CLPB: variants seen among roughly 807,000 people sequenced by gnomAD.
CLPB encodes the protein ClpB family mitochondrial disaggregase.
Under a neutral mutation model 78.4 loss-of-function variants are expected in CLPB, and 40 were observed. The ratio of observed to expected loss-of-function variants is 0.51; its 90% confidence interval spans 0.40 to 0.66. The LOEUF is 0.66. CLPB is among the 30% of genes least tolerant of loss of function. The pLI, the probability that CLPB is intolerant of heterozygous loss-of-function variation, is 0.00. For missense variants in CLPB, 780 were observed against 886.9 expected (o/e 0.88, Z 1.53); for synonymous variants, 333 against 348.0 (o/e 0.96, Z 0.48).
intron 4 of CLPB, among the ~76,000 whole-genome samples, chr11:72,364,276 C>T (rs1950898991): frequency 6.6e-6 from 1 of 152,130 alleles, no homozygotes. Flanking sequence ...TCACTGCAAC[C>T]TCCGCAACAC....
chr11:72,302,482 A>C, intron 9 of CLPB, 134 bp from the exon 10 acceptor site: 1 of 773,958 alleles, frequency 1.3e-6, no homozygotes, highest in South Asian at 1.5e-5. Context: ...CTCACGCTCA[A>C]GATGTTTTTT....
At position 72,399,240 on chromosome 11, in the gene CLPB, T is replaced by C. The variant is rs1158972447; in HGVS notation, c.542+3726A>G. Among the ~76,000 whole-genome samples, 7 of 152,098 alleles carry C rather than the reference T, an allele frequency of 4.6e-5. No homozygotes were observed. In the South Asian group the frequency reaches 1.5e-3, roughly 32 times the overall value. On this transcript the variant is annotated intron_variant, in intron 3 of 15. Transcript: ENST00000538039. ...TTGTACATAAACATATATATAACAA[T>C]CAATTTCCAGATAAAGGGAATTCAG...
intron 9 of CLPB, 45 bp downstream of exon 9, chr11:72,307,154 G>A: frequency 6.4e-7 from 1 of 1,556,202 alleles, no homozygotes. Flanking sequence ...CAGGAATGGT[G>A]AGGTCTCCAC....
chr11:72,388,858 C>T (rs1208736770), intron 3 of CLPB, among the ~76,000 whole-genome samples: 1 of 152,120 alleles, frequency 6.6e-6, no homozygotes, highest in Admixed American at 6.5e-5. Flanking sequence ...TATAGCAGGG[C>T]AGAAACACGG....
chr11:72,420,931 G>C (rs192138207), intron 2 of CLPB, among the ~76,000 whole-genome samples: 14 of 152,148 alleles, frequency 9.2e-5, no homozygotes, highest in African/African-American at 3.1e-4. Context: ...AGGCCAAGGC[G>C]GGCGGATCAC....
At chr11:72,294,779 G>A (rs1949520819) in intron 12 of CLPB, 86 bp from the exon 13 acceptor site, 2 of 1,104,450 alleles carry the variant, frequency 1.8e-6, no homozygotes, top group Admixed American at 1.7e-5. Context: ...CCCATGGAAA[G>A]AGCCCTGGTC....
At chr11:72,408,213 TA>T in intron 2 of CLPB, 2 of 1,531,912 alleles carry the variant, frequency 1.3e-6, no homozygotes, top group Non-Finnish European at 8.7e-7. Context: ...GGCTGAGGTA[TA>T]ATGGAAAAAA....
At chr11:72,297,381 A>G (rs966944805) in intron 11 of CLPB, among the ~76,000 whole-genome samples, 3 of 152,234 alleles carry the variant, frequency 2.0e-5, no homozygotes, top group African/African-American at 7.2e-5. Context: ...TGTAGTTTCC[A>G]GCCTTGCTTT....
Position 72,295,573 on chromosome 11 carries a change from T to C in CLPB, c.1405A>G (p.Ser469Gly). Residue 469 changes from serine to glycine, a missense_variant, in exon 12 of 16, where the codon AGC becomes GGC. Ser to Gly is a moderately conservative substitution (Grantham distance 56, BLOSUM62 0). This residue lies in a region of CLPB where 272 missense variants were observed against 304.0 expected (regional missense o/e 0.89). Coordinates refer to ENST00000538039, the MANE Select transcript of CLPB (RefSeq NM_001258392.3). ...AIFIMTSNVA[S>G]DEIAQHALQL... The stretch of plus-strand genomic sequence containing the variant: ...AGCGCGTGCTGTGCGATCTCGTCGC[T>C]GGCCACATTGGAGGTCATGATGAAG... 1 of 1,614,188 alleles carries C rather than the reference T, an allele frequency of 6.2e-7. No individual in the cohort carries two copies. Among genetic ancestry groups the C allele is most frequent in the Non-Finnish European group, 8.5e-7 (1 of 1,180,022 alleles).
At chr11:72,309,587 G>A (rs1487555766) in intron 7 of CLPB, among the ~76,000 whole-genome samples, 1 of 152,182 alleles carries the variant, frequency 6.6e-6, no homozygotes, top group African/African-American at 2.4e-5. Context: ...ACACGAAACT[G>A]AGGCAACAGA....
At chr11:72,296,776 G>A (rs946657148) in intron 11 of CLPB, among the ~76,000 whole-genome samples, 3 of 152,196 alleles carry the variant, frequency 2.0e-5, no homozygotes, top group African/African-American at 7.2e-5. Context: ...ACAGCGTCCG[G>A]TACAGAGTAG....
chr11:72,305,372 G>T (rs536348018), intron 9 of CLPB, among the ~76,000 whole-genome samples: 1 of 152,222 alleles, frequency 6.6e-6, no homozygotes, highest in African/African-American at 2.4e-5. Flanking sequence ...CACTGCTATG[G>T]TAAGTAGGAA....
At chr11:72,409,441 G>A (rs979992887) in intron 2 of CLPB, among the ~76,000 whole-genome samples, 4 of 151,970 alleles carry the variant, frequency 2.6e-5, no homozygotes, top group Admixed American at 2.0e-4. Flanking sequence ...AAAATTAGCC[G>A]GGCGTGGTGT....
At chr11:72,321,159 A>G (rs1349933517) in intron 6 of CLPB, among the ~76,000 whole-genome samples, 2 of 152,094 alleles carry the variant, frequency 1.3e-5, no homozygotes, top group African/African-American at 4.8e-5. Flanking sequence ...TATAAATACT[A>G]TTGTTCCTGT....
chr11:72,387,208 C>T (rs1222247432), intron 3 of CLPB, among the ~76,000 whole-genome samples: 1 of 152,140 alleles, frequency 6.6e-6, no homozygotes, highest in Non-Finnish European at 1.5e-5. Flanking sequence ...AGGGAAAGTT[C>T]TGTCTTACTA....
At chr11:72,302,472 C>T in intron 9 of CLPB, 124 bp from the exon 10 acceptor site, 1 of 816,242 alleles carries the variant, frequency 1.2e-6, no homozygotes, top group East Asian at 2.5e-5. Flanking sequence ...GATCTTCTAT[C>T]TCACGCTCAA....
intron 3 of CLPB, among the ~76,000 whole-genome samples, chr11:72,399,243 A>G (rs1855495364): frequency 6.6e-6 from 1 of 151,960 alleles, no homozygotes; most frequent in Admixed American, 6.6e-5. Context: ...ATAACAATCA[A>G]TTTCCAGATA....
In CLPB at chr11:72,292,063, A is replaced by G. The variant is rs1949461059; in HGVS notation, c.*1304T>C. ...GTCTCAAAAAAAAAAAAAAAAAAAAAAAGGCAGTCAGTGAGGTAGGGAGCA... is the reference window on the plus strand; with the variant it reads ...GTCTCAAAAAAAAAAAAAAAAAAAAGAAGGCAGTCAGTGAGGTAGGGAGCA... On this transcript the variant is annotated 3_prime_UTR_variant, in exon 16 of 16. Transcript: ENST00000538039. The G allele has an allele frequency of 6.6e-6, 1 of 152,326 alleles. No individual in the cohort carries two copies. Among genetic ancestry groups the G allele is most frequent in the Admixed American group, 6.6e-5 (1 of 15,190 alleles). The allele number at this position is 152,326 out of a possible 1,614,324, so 9.4% of individuals were successfully genotyped here. A position where few individuals can be genotyped will look rare whatever the true frequency, so the allele number is the denominator to read the frequency against.
At chr11:72,389,489 A>G (rs1855182476) in intron 3 of CLPB, among the ~76,000 whole-genome samples, 1 of 152,238 alleles carries the variant, frequency 6.6e-6, no homozygotes, top group Admixed American at 6.5e-5. Flanking sequence ...CTGTGGTATA[A>G]GGCTAGGTCT....
Sources: gnomAD v4.1 joint callset for allele counts (sites outside exome capture counted in the v4.1 genomes callset) on GRCh38, gnomAD v4.1.1 for gene constraint, gnomAD v4.1.1 regional missense constraint, MANE v1.5 for transcripts, NCBI Gene and HGNC (gene_info 2026-07-23, HGNC 2026-07-21) for gene names.